Variants in NRXN3 observed in about 807,000 individuals in gnomAD.
The protein encoded by NRXN3 is neurexin III.
In NRXN3, 32 loss-of-function variants were observed where a neutral mutation model predicts 137.6. The observed-to-expected ratio is 0.23, with a 90% CI of 0.18 to 0.31. The LOEUF is 0.31. Ranked by LOEUF, NRXN3 falls within the 10% of genes least tolerant of loss-of-function variation. The probability of loss-of-function intolerance (pLI) is 1.00; values close to 1 mark genes in which losing one functional copy is unlikely to be tolerated. For synonymous variants in NRXN3, 798 were observed against 784.5 expected (o/e 1.02, Z -0.29); for missense variants, 1,574 against 2,062.5 (o/e 0.76, Z 4.59).
At chr14:78,671,137 C>T (rs887156812) in intron 6 of NRXN3, among the ~76,000 whole-genome samples, 3 of 152,108 alleles carry the variant, frequency 2.0e-5, no homozygotes, top group Admixed American at 6.6e-5. Context: ...CTAGAGAAAA[C>T]GTTGTCATCG....
At chr14:79,469,768 G>A (rs190954968) in intron 16 of NRXN3, among the ~76,000 whole-genome samples, 1 of 152,272 alleles carries the variant, frequency 6.6e-6, no homozygotes, top group East Asian at 1.9e-4. Context: ...GAGTGACCCT[G>A]ACATGTTCAT....
chr14:78,363,884 C>G (rs2085503598), intron 4 of NRXN3, among the ~76,000 whole-genome samples: 1 of 152,222 alleles, frequency 6.6e-6, no homozygotes, highest in South Asian at 2.1e-4. Context: ...TTGAGAACCT[C>G]CCTTCTCAAA....
intron 16 of NRXN3, among the ~76,000 whole-genome samples, chr14:79,631,173 G>A (rs1268574753): frequency 6.6e-6 from 1 of 152,250 alleles, no homozygotes; most frequent in Non-Finnish European, 1.5e-5. Context: ...CCTCATGCAT[G>A]TCATACTCTA....
At chr14:79,234,327 T>C (rs1418967299) in intron 15 of NRXN3, among the ~76,000 whole-genome samples, 1 of 116,614 alleles carries the variant, frequency 8.6e-6, no homozygotes, top group Admixed American at 8.7e-5. Flanking sequence ...TATATATATA[T>C]ATATATATAT....
chr14:78,557,916 A>T (rs2096753515), intron 4 of NRXN3, among the ~76,000 whole-genome samples: 1 of 152,212 alleles, frequency 6.6e-6, no homozygotes, highest in Non-Finnish European at 1.5e-5. Flanking sequence ...TACACCCAGC[A>T]CTGTTCTAGG....
chr14:78,421,746 A>G (rs1477366472), intron 4 of NRXN3, among the ~76,000 whole-genome samples: 4 of 152,120 alleles, frequency 2.6e-5, no homozygotes, highest in Non-Finnish European at 5.9e-5. Flanking sequence ...GCTGGCATCA[A>G]ACTTGTGAGC....
chr14:78,432,743 G>A (rs1167625840), intron 4 of NRXN3, among the ~76,000 whole-genome samples: 2 of 152,130 alleles, frequency 1.3e-5, no homozygotes, highest in African/African-American at 2.4e-5. Context: ...TGACAGACTG[G>A]CAGGTATACC....
intron 4 of NRXN3, among the ~76,000 whole-genome samples, chr14:78,524,572 A>G (rs573104346): frequency 3.4e-4 from 51 of 152,150 alleles, no homozygotes; most frequent in African/African-American, 1.2e-3. Flanking sequence ...ATTTTTTTTT[A>G]TAACAACTTC....
intron 20 of NRXN3, among the ~76,000 whole-genome samples, chr14:79,827,252 G>A (rs2099307109): frequency 6.6e-6 from 1 of 152,092 alleles, no homozygotes; most frequent in South Asian, 2.1e-4. Flanking sequence ...GGCAGGGGTG[G>A]GTGCTAGGAA....
At chr14:79,431,240 A>G (rs941676565) in intron 15 of NRXN3, among the ~76,000 whole-genome samples, 1 of 152,212 alleles carries the variant, frequency 6.6e-6, no homozygotes, top group Non-Finnish European at 1.5e-5. Context: ...GCCCTCTGCC[A>G]TAAGTTTGCA....
intron 15 of NRXN3, among the ~76,000 whole-genome samples, chr14:79,084,988 G>A (rs778952391): frequency 2.0e-5 from 3 of 152,082 alleles, no homozygotes; most frequent in East Asian, 1.9e-4. Context: ...AAGAGCTGAC[G>A]AGACGTTTTA....
intron 20 of NRXN3, among the ~76,000 whole-genome samples, chr14:79,819,127 C>T (rs2099262480): frequency 6.6e-6 from 1 of 152,150 alleles, no homozygotes; most frequent in South Asian, 2.1e-4. Context: ...AGTTAGCAAA[C>T]TTTTTTTCTG....
chr14:78,222,717 C>T (rs1463985661), intron 1 of NRXN3, among the ~76,000 whole-genome samples: 2 of 152,112 alleles, frequency 1.3e-5, no homozygotes. Context: ...AAGAGAGGCT[C>T]TACAAGAAAG....
intron 8 of NRXN3, among the ~76,000 whole-genome samples, chr14:78,775,526 A>C (rs2098742193): frequency 2.0e-5 from 3 of 152,144 alleles, no homozygotes; most frequent in African/African-American, 7.2e-5. Context: ...TGTGTGGCCT[A>C]AGATAATTCT....
intron 4 of NRXN3, among the ~76,000 whole-genome samples, chr14:78,323,789 G>C (rs946751312): frequency 3.3e-5 from 5 of 152,000 alleles, no homozygotes; most frequent in African/African-American, 1.2e-4. Flanking sequence ...AGGTACAAGT[G>C]GGAGCCCAGT....
chr14:79,208,833 T>A (rs2067193748), intron 15 of NRXN3, among the ~76,000 whole-genome samples: 2 of 152,172 alleles, frequency 1.3e-5, no homozygotes, highest in Admixed American at 1.3e-4. Context: ...AGTGTAAGAG[T>A]ATACTTTAAG....
At chr14:79,370,709 A>G (rs993166276) in intron 15 of NRXN3, among the ~76,000 whole-genome samples, 1 of 152,092 alleles carries the variant, frequency 6.6e-6, no homozygotes, top group Non-Finnish European at 1.5e-5. Flanking sequence ...TGAGCTTGGG[A>G]CTACCTCTAA....
intron 4 of NRXN3, among the ~76,000 whole-genome samples, chr14:78,536,656 G>A (rs973006293): frequency 2.0e-5 from 3 of 151,156 alleles, no homozygotes; most frequent in South Asian, 2.1e-4. Flanking sequence ...TGTGCACAAC[G>A]TGCAGATTTG....
chr14:79,792,714 C>T (rs900992157), intron 19 of NRXN3, among the ~76,000 whole-genome samples: 1 of 152,100 alleles, frequency 6.6e-6, no homozygotes, highest in Non-Finnish European at 1.5e-5. Flanking sequence ...TCCTAGAGGG[C>T]CAGGGTGGAA....
Sources: gnomAD v4.1 joint callset for allele counts (sites outside exome capture counted in the v4.1 genomes callset) on GRCh38, gnomAD v4.1.1 for gene constraint, MANE v1.5 for transcripts, NCBI Gene and HGNC (gene_info 2026-07-23, HGNC 2026-07-21) for gene names.